Variants in DYNC1I1 observed in about 807,000 individuals in gnomAD.
DYNC1I1 encodes the protein dynein cytoplasmic 1 intermediate chain 1.
A neutral mutation model predicts 86.6 loss-of-function variants in DYNC1I1; 43 were observed. The observed-to-expected ratio is 0.50, with a 90% confidence interval of 0.39 to 0.64. DYNC1I1 has a LOEUF of 0.64. DYNC1I1 is among the 30% of genes least tolerant of loss of function. The pLI is 0.00. For synonymous variants in DYNC1I1, 262 were observed against 283.7 expected (o/e 0.92, Z 0.77); for missense variants, 604 against 788.8 (o/e 0.77, Z 2.81).
intron 6 of DYNC1I1, among the ~76,000 whole-genome samples, chr7:95,889,990 TTGG>T (rs1179028742): frequency 5.9e-5 from 9 of 152,292 alleles, no homozygotes; most frequent in East Asian, 5.8e-4. Flanking sequence ...TTACACACTG[TTGG>T]TGGGAGTGTA....
intron 1 of DYNC1I1, among the ~76,000 whole-genome samples, chr7:95,775,015 A>G (rs949407114): frequency 5.9e-5 from 9 of 152,264 alleles, no homozygotes; most frequent in Non-Finnish European, 5.9e-5. Context: ...TGATAACAGT[A>G]GCTAAAATAT....
At chr7:95,900,044 G>A (rs1294062848) in intron 6 of DYNC1I1, among the ~76,000 whole-genome samples, 1 of 152,080 alleles carries the variant, frequency 6.6e-6, no homozygotes, top group African/African-American at 2.4e-5. Context: ...TTGCCCTGAC[G>A]ATGACCCAGA....
chr7:95,811,352 A>G (rs959603188), intron 3 of DYNC1I1, among the ~76,000 whole-genome samples: 1 of 152,142 alleles, frequency 6.6e-6, no homozygotes, highest in African/African-American at 2.4e-5. Context: ...ATAAAAATAA[A>G]TACAGTATTC....
chr7:95,948,661 C>T (rs2116472103), intron 6 of DYNC1I1, among the ~76,000 whole-genome samples: 1 of 152,276 alleles, frequency 6.6e-6, no homozygotes, highest in South Asian at 2.1e-4. Context: ...ACTTAGTCTA[C>T]ATAAAGGATT....
At chr7:95,865,023 C>A (rs1036113245) in intron 5 of DYNC1I1, among the ~76,000 whole-genome samples, 3 of 152,058 alleles carry the variant, frequency 2.0e-5, no homozygotes, top group Admixed American at 6.6e-5. Flanking sequence ...GATTGCCAGA[C>A]CCCAACCCTG....
intron 10 of DYNC1I1, among the ~76,000 whole-genome samples, chr7:96,002,816 GGTTTT>G (rs1179221348): frequency 6.6e-6 from 1 of 151,260 alleles, no homozygotes; most frequent in Non-Finnish European, 1.5e-5. Flanking sequence ...TTTTGGTTTT[GGTTTT>G]TTTTTGGGTT....
At chr7:95,996,761 T>C (rs1793877572) in intron 10 of DYNC1I1, among the ~76,000 whole-genome samples, 1 of 152,218 alleles carries the variant, frequency 6.6e-6, no homozygotes, top group Admixed American at 6.5e-5. Flanking sequence ...GGCCTCAGCA[T>C]AGGCCAATAC....
At chr7:95,922,483 A>G (rs571864011) in intron 6 of DYNC1I1, among the ~76,000 whole-genome samples, 2 of 152,288 alleles carry the variant, frequency 1.3e-5, no homozygotes, top group South Asian at 4.1e-4. Flanking sequence ...GGCATTTACC[A>G]TAAGAGAAAG....
chr7:96,098,247 C>A lies in DYNC1I1; in HGVS notation c.*654C>A. ...GCCAGTTCCACTGAAGACATGAAATCTTTAGAGGTTTCTTGCAGTGAACGA... is the reference window on the plus strand; with the variant it reads ...GCCAGTTCCACTGAAGACATGAAATATTTAGAGGTTTCTTGCAGTGAACGA... On this transcript the variant is annotated 3_prime_UTR_variant, in exon 17 of 17. Transcript: ENST00000447467. 1.0e-6 allele frequency: 1 copy of A among 985,858 alleles called. No individual in the cohort carries two copies. Among genetic ancestry groups the A allele is most frequent in the South Asian group, 4.7e-5 (1 of 21,286 alleles). 61.1% of individuals were successfully genotyped at this position (985,858 alleles called of 1,614,324 possible).
chr7:96,085,400 A>G (rs1790648629), intron 16 of DYNC1I1, among the ~76,000 whole-genome samples: 1 of 152,160 alleles, frequency 6.6e-6, no homozygotes, highest in Admixed American at 6.6e-5. Context: ...TAAATGACAA[A>G]GACATGAGTA....
intron 5 of DYNC1I1, among the ~76,000 whole-genome samples, chr7:95,833,499 C>G (rs1253114046): frequency 7.2e-6 from 1 of 138,302 alleles, no homozygotes; most frequent in Non-Finnish European, 1.6e-5. Context: ...TTTTCCAATT[C>G]TGTGAAGAAA....
chr7:95,780,885 C>A (rs1028809042), intron 1 of DYNC1I1, among the ~76,000 whole-genome samples: 7 of 152,040 alleles, frequency 4.6e-5, no homozygotes, highest in African/African-American at 1.4e-4. Flanking sequence ...TGTGTTTTGA[C>A]ACAATGTTCC....
At chr7:96,102,900 TAAC>T (rs1331507155), downstream of DYNC1I1, among the ~76,000 whole-genome samples, 1 of 152,154 alleles carries the variant, frequency 6.6e-6, no homozygotes, top group Non-Finnish European at 1.5e-5. Flanking sequence ...GATATAAACT[TAAC>T]TACACATCCA....
chr7:95,891,182 G>A (rs896571666), intron 6 of DYNC1I1, among the ~76,000 whole-genome samples: 4 of 152,132 alleles, frequency 2.6e-5, no homozygotes, highest in Non-Finnish European at 5.9e-5. Flanking sequence ...CAAGGAAAGA[G>A]GACTCAGAAG....
chr7:96,053,815 T>C (rs931553501), intron 14 of DYNC1I1, among the ~76,000 whole-genome samples: 1 of 152,296 alleles, frequency 6.6e-6, no homozygotes. Flanking sequence ...TTCCTAGTAT[T>C]ACACACAATG....
intron 1 of DYNC1I1, among the ~76,000 whole-genome samples, chr7:95,778,901 G>A (rs1793915263): frequency 6.6e-6 from 1 of 152,058 alleles, no homozygotes; most frequent in Non-Finnish European, 1.5e-5. Flanking sequence ...GTGGCTTCCA[G>A]CAGTCCTTCT....
chr7:95,781,653 C>T (rs1793997146), intron 1 of DYNC1I1, among the ~76,000 whole-genome samples: 1 of 152,172 alleles, frequency 6.6e-6, no homozygotes, highest in African/African-American at 2.4e-5. Context: ...GCTACCTTCC[C>T]AAATGCTGGA....
At chr7:96,000,130 A>G (rs1793973833) in intron 10 of DYNC1I1, among the ~76,000 whole-genome samples, 1 of 152,212 alleles carries the variant, frequency 6.6e-6, no homozygotes, top group Non-Finnish European at 1.5e-5. Context: ...AGTGGTTATT[A>G]CAGGTCAAAA....
At chr7:95,911,809 C>G (rs1457653756) in intron 6 of DYNC1I1, among the ~76,000 whole-genome samples, 3 of 152,066 alleles carry the variant, frequency 2.0e-5, no homozygotes, top group Admixed American at 2.0e-4. Flanking sequence ...ATCTTGAGAA[C>G]CACTACTTTA....
Sources: allele counts gnomAD v4.1 joint callset (sites outside exome capture counted in the v4.1 genomes callset), GRCh38; gene constraint gnomAD v4.1.1; transcripts MANE v1.5; gene names NCBI Gene and HGNC (gene_info 2026-07-23, HGNC 2026-07-21).